The following SPIC variants were observed in gnomAD, a reference collection of about 807,000 sequenced individuals.
The protein encoded by SPIC is transcription factor Spi-C.
In SPIC, 9 loss-of-function variants were observed where a neutral mutation model predicts 16.7. That is an observed-to-expected ratio of 0.54 (90% CI 0.33 to 0.94). The LOEUF (loss-of-function observed/expected upper bound fraction) is 0.94, where lower values mean the gene tolerates loss of function less well. Ranked by LOEUF, SPIC falls within the 40% of genes least tolerant of loss-of-function variation. SPIC has a pLI of 0.03. For synonymous variants in SPIC, 97 were observed against 102.9 expected, an observed-to-expected ratio of 0.94 and a Z score of 0.35; for missense variants, 241 against 285.8, an observed-to-expected ratio of 0.84 and a Z score of 1.13.
At position 101,477,546 on chromosome 12, in the gene SPIC, T is replaced by C. The variant is rs1266877094; in HGVS notation, c.4-12T>C. On this transcript the variant is annotated splice_polypyrimidine_tract_variant and intron_variant, in intron 2 of 5. Transcript: ENST00000551346. ...ATTCGAAAACTCCAGAATTCTATCATTGTTCCAACAGACGTGTGTTGAACA... is the reference window on the plus strand; with the variant it reads ...ATTCGAAAACTCCAGAATTCTATCACTGTTCCAACAGACGTGTGTTGAACA... 3 of 1,612,980 alleles carry C rather than the reference T, an allele frequency of 1.9e-6. No individual in the cohort carries two copies. The highest frequency in any genetic ancestry group is 2.5e-6 in the Non-Finnish European group (3 of 1,178,990).
intron 3 of SPIC, 36 bp downstream of exon 3, chr12:101,477,687 A>G: frequency 1.3e-6 from 2 of 1,550,070 alleles, no homozygotes; most frequent in Non-Finnish European, 1.8e-6. Context: ...CTGCTGGTAC[A>G]TCAAATGGCT....
At position 101,486,502 on chromosome 12, in the gene SPIC, A is replaced by G; in HGVS notation, c.478A>G (p.Asn160Asp). ...LAELWGKRKG[N>D]RKTMTYQKMA... ...CGAGCTTTGGGGGAAAAGAAAAGGC[A>G]ACAGGAAGACCATGACTTACCAGAA... The change falls in exon 6 of 6, where the codon AAC (asparagine) becomes GAC (aspartate). Residue 160 changes from asparagine to aspartate, a missense_variant. Asn to Asp is a conservative substitution (Grantham distance 23). Coordinates refer to ENST00000551346, the MANE Select transcript of SPIC (RefSeq NM_152323.3). 3.7e-6 allele frequency: 6 copies of G among 1,614,206 alleles called. No individual in the cohort carries two copies. Among genetic ancestry groups the G allele is most frequent in the Non-Finnish European group, 5.1e-6 (6 of 1,180,026 alleles).
intron 4 of SPIC, among the ~76,000 whole-genome samples, chr12:101,482,164 G>A (rs558669703): frequency 4.0e-4 from 61 of 150,908 alleles, no homozygotes; most frequent in Non-Finnish European, 7.1e-4. Flanking sequence ...ACTGGGAGGC[G>A]GAGGTTGCGT....
Position 101,484,729 on chromosome 12 carries a change from G to A in SPIC, c.320-1615G>A, listed in dbSNP as rs113913702. Among the ~76,000 whole-genome samples, 399 of 151,544 alleles carry A rather than the reference G, an allele frequency of 2.6e-3. 2 individuals carry two copies. The highest frequency in any genetic ancestry group is 9.2e-3 in the African/African-American group (381 of 41,374). The stretch of plus-strand genomic sequence containing the variant: ...CTCATGCCTGTAATCCCAGCACTTC[G>A]GGAGACTGAGGCAGGCAGATCACTC... On this transcript the variant is annotated intron_variant, in intron 5 of 5. Coordinates refer to ENST00000551346, the MANE Select transcript of SPIC (RefSeq NM_152323.3).
chr12:101,477,441 A>T (rs1450247706), intron 2 of SPIC, 117 bp from the exon 3 acceptor site: 1 of 919,814 alleles, frequency 1.1e-6, no homozygotes, highest in Non-Finnish European at 1.7e-6. Flanking sequence ...CCAACACCAA[A>T]TGCCCATAGT....
chr12:101,482,228 G>A (rs1423547935), intron 4 of SPIC, among the ~76,000 whole-genome samples: 3 of 140,060 alleles, frequency 2.1e-5, no homozygotes, highest in Non-Finnish European at 4.5e-5. Flanking sequence ...GTGAAACTCT[G>A]TCTCAAAAAA....
chr12:101,479,721 CA>C (rs765247665), intron 4 of SPIC, 27 bp downstream of exon 4: 1 of 1,526,936 alleles, frequency 6.5e-7, no homozygotes, highest in Admixed American at 1.7e-5. Context: ...CCCTTAATAA[CA>C]GGCAAATATC....
rs1873127635 is a variant in SPIC, at chr12:101,479,709, A to C, written c.210+15A>C. On this transcript the variant is annotated intron_variant, in intron 4 of 5. Coordinates refer to ENST00000551346, the MANE Select transcript of SPIC (RefSeq NM_152323.3). ...GAACGGTAATTGTAAGTATCAGACC[A>C]TCCCTTAATAACAGGCAAATATCCT... 1 of 1,574,928 alleles carries C rather than the reference A, an allele frequency of 6.3e-7. No individual in the cohort carries two copies. The highest frequency in any genetic ancestry group is 1.7e-5 in the Admixed American group (1 of 59,566).
At position 101,486,866 on chromosome 12, in the gene SPIC, AT is replaced by A; in HGVS notation, c.*98del. On this transcript the variant is annotated 3_prime_UTR_variant, in exon 6 of 6. Transcript: ENST00000551346. Reference sequence around the variant, plus strand: ...TCTCTTTTTTTCCTCCTCTGAAGAAATTTAGGATTTTTCTCTTAAAGCAAAT... The same window carrying A: ...TCTCTTTTTTTCCTCCTCTGAAGAAATTAGGATTTTTCTCTTAAAGCAAAT... 8.8e-7 allele frequency: 1 copy of A among 1,131,644 alleles called. No individual in the cohort carries two copies. The highest frequency in any genetic ancestry group is 1.2e-6 in the Non-Finnish European group (1 of 827,038). The allele number at this position is 1,131,644 out of a possible 1,614,324, so 70.1% of individuals were successfully genotyped here. A position where few individuals can be genotyped will look rare whatever the true frequency, so the allele number is the denominator to read the frequency against.
chr12:101,483,017 A>G, intron 5 of SPIC, 117 bp downstream of exon 5: 1 of 829,428 alleles, frequency 1.2e-6, no homozygotes, highest in Non-Finnish European at 1.9e-6. Flanking sequence ...CTTTTATCAC[A>G]TTTGAGAGTA....
At position 101,479,570 on chromosome 12, in the gene SPIC, A is replaced by C; in HGVS notation, c.98-12A>C. On this transcript the variant is annotated splice_polypyrimidine_tract_variant and intron_variant, in intron 3 of 5. Transcript: ENST00000551346. ...TTGACTTTTTTAGTTTCTTTCTCTG[A>C]TTTAAAATTAGATTACAGAAATTAC... 2 of 1,604,880 alleles carry C rather than the reference A, an allele frequency of 1.2e-6. No individual in the cohort carries two copies. The highest frequency in any genetic ancestry group is 1.7e-6 in the Non-Finnish European group (2 of 1,174,182).
At chr12:101,486,060 C>CA (rs1219583196) in intron 5 of SPIC, among the ~76,000 whole-genome samples, 1 of 152,208 alleles carries the variant, frequency 6.6e-6, no homozygotes, top group African/African-American at 2.4e-5. Flanking sequence ...CTCGGCCTCC[C>CA]AAAGTGCTGG....
At chr12:101,486,311 G>A in intron 5 of SPIC, 33 bp from the exon 6 acceptor site, 13 of 1,570,060 alleles carry the variant, frequency 8.3e-6, no homozygotes, top group Non-Finnish European at 1.1e-5. Flanking sequence ...TTACAGCCAC[G>A]GTGGAGTTTG....
chr12:101,476,883 A>G lies in SPIC; in HGVS notation c.-22A>G. On this transcript the variant is annotated 5_prime_UTR_variant, in exon 2 of 6. Coordinates refer to ENST00000551346, the MANE Select transcript of SPIC (RefSeq NM_152323.3). The stretch of plus-strand genomic sequence containing the variant: ...CAAGCAACAATTGCTAAGGAACAGA[A>G]TTGTCAATTTATTAATGAAATATGG... The G allele has an allele frequency of 7.0e-7, 1 of 1,420,810 alleles. No homozygotes were observed. Among genetic ancestry groups the G allele is most frequent in the Non-Finnish European group, 9.4e-7 (1 of 1,063,898 alleles). 88.0% of individuals were successfully genotyped at this position (1,420,810 alleles called of 1,614,324 possible).
In SPIC at chr12:101,480,983, T is replaced by C. The variant is rs150142435; in HGVS notation, c.210+1289T>C. 4.6e-5 allele frequency among the ~76,000 whole-genome samples: 7 copies of C among 152,332 alleles called. No individual in the cohort carries two copies. The East Asian group carries it at 1.4e-3, about 29-fold the overall frequency. On this transcript the variant is annotated intron_variant, in intron 4 of 5. Coordinates refer to ENST00000551346, the MANE Select transcript of SPIC (RefSeq NM_152323.3). ...TCTTTCTACTTCAGCTCCCATTTTC[T>C]AGCATGTGCCTCACAGCCTCTTATC...
intron 4 of SPIC, 142 bp from the exon 5 acceptor site, chr12:101,482,650 G>C: frequency 1.4e-6 from 1 of 708,502 alleles, no homozygotes; most frequent in South Asian, 1.9e-5. Context: ...TGCCCTGGGA[G>C]CTATCTGGCT....
At chr12:101,486,001 A>G (rs1330898003) in intron 5 of SPIC, among the ~76,000 whole-genome samples, 1 of 152,090 alleles carries the variant, frequency 6.6e-6, no homozygotes, top group East Asian at 1.9e-4. Flanking sequence ...ACGGGATTTC[A>G]CCATATTGGC....
chr12:101,482,032 C>T (rs1307370427), intron 4 of SPIC, among the ~76,000 whole-genome samples: 2 of 142,316 alleles, frequency 1.4e-5, no homozygotes, highest in Admixed American at 6.9e-5. Context: ...CGCCTGAGGT[C>T]GGGAGTTCAA....
chr12:101,479,215 A>AGAAG (rs1873072982), intron 3 of SPIC, among the ~76,000 whole-genome samples: 2 of 120,924 alleles, frequency 1.7e-5, no homozygotes, highest in African/African-American at 3.1e-5. Context: ...AAAGAAAGAA[A>AGAAG]GAAAGAAGGA....
Sources: allele counts gnomAD v4.1 joint callset (sites outside exome capture counted in the v4.1 genomes callset), GRCh38; gene constraint gnomAD v4.1.1; transcripts MANE v1.5; gene names NCBI Gene and HGNC (gene_info 2026-07-23, HGNC 2026-07-21).